The following CSMD1 variants were observed in gnomAD, a reference collection of about 807,000 sequenced individuals.
CSMD1 encodes the protein CUB and Sushi multiple domains 1.
Under a neutral mutation model 417.5 loss-of-function variants are expected in CSMD1, and 213 were observed. The observed-to-expected ratio is 0.51, with a 90% confidence interval of 0.46 to 0.57. The LOEUF (loss-of-function observed/expected upper bound fraction) is 0.57. Ranked by LOEUF, CSMD1 falls within the 20% of genes least tolerant of loss-of-function variation. CSMD1 has a pLI of 0.00. For missense variants in CSMD1, 6,923 were observed against 4,529.7 expected (o/e 1.53, Z -15.17); for synonymous variants, 2,862 against 1,736.8 (o/e 1.65, Z -16.11).
chr8:3,956,521 A>C (rs1471512239), intron 5 of CSMD1, among the ~76,000 whole-genome samples: 1 of 152,208 alleles, frequency 6.6e-6, no homozygotes, highest in Non-Finnish European at 1.5e-5. Context: ...GACAGGTGGA[A>C]ACTCAGTAAA....
At chr8:4,141,324 G>T (rs148474688) in intron 3 of CSMD1, among the ~76,000 whole-genome samples, 3 of 151,204 alleles carry the variant, frequency 2.0e-5, no homozygotes, top group African/African-American at 7.4e-5. Context: ...AAGGGGAAAT[G>T]AAGCTACTAC....
intron 25 of CSMD1, among the ~76,000 whole-genome samples, chr8:3,288,221 A>G (rs1803297309): frequency 6.8e-6 from 1 of 146,830 alleles, no homozygotes; most frequent in South Asian, 2.1e-4. Context: ...TTTATTGAGG[A>G]TTTTTGCATC....
chr8:4,977,360 C>T (rs1810620593), intron 1 of CSMD1, among the ~76,000 whole-genome samples: 1 of 152,112 alleles, frequency 6.6e-6, no homozygotes, highest in South Asian at 2.1e-4. Flanking sequence ...TACCCCAGGC[C>T]CACTGAGCAG....
At chr8:3,267,601 C>T (rs548708184) in intron 26 of CSMD1, among the ~76,000 whole-genome samples, 3 of 152,292 alleles carry the variant, frequency 2.0e-5, no homozygotes, top group East Asian at 3.9e-4. Context: ...TTGAGGATGG[C>T]ATCGCTGCTG....
chr8:3,060,846 A>G (rs149858747), intron 49 of CSMD1, among the ~76,000 whole-genome samples: 1,753 of 152,268 alleles, frequency 0.012, 37 homozygotes, highest in African/African-American at 0.04. Flanking sequence ...GAGCAGAGTC[A>G]TGCCATTTTG....
intron 5 of CSMD1, among the ~76,000 whole-genome samples, chr8:3,905,750 T>G (rs1808064959): frequency 6.6e-6 from 1 of 152,222 alleles, no homozygotes; most frequent in Non-Finnish European, 1.5e-5. Context: ...GTCTTAAAAT[T>G]GGATGCTCAT....
At chr8:4,698,757 T>TA (rs11304604) in intron 1 of CSMD1, among the ~76,000 whole-genome samples, 181 of 149,246 alleles carry the variant, frequency 1.2e-3, no homozygotes, top group Non-Finnish European at 2.2e-3. Flanking sequence ...CTCTGCCCCT[T>TA]AAAAAAAAAA....
intron 5 of CSMD1, among the ~76,000 whole-genome samples, chr8:3,888,895 C>T (rs11778438): frequency 9.5e-4 from 145 of 152,104 alleles, no homozygotes; most frequent in Middle Eastern, 3.4e-3. Flanking sequence ...TGATGATTTT[C>T]GTCATATAAT....
chr8:3,635,546 C>T (rs1192168232), intron 7 of CSMD1, among the ~76,000 whole-genome samples: 24 of 147,998 alleles, frequency 1.6e-4, no homozygotes, highest in East Asian at 2.1e-4. Flanking sequence ...TGCAGTGGCG[C>T]GATCTCAGCT....
In CSMD1 at chr8:4,487,571, G is replaced by A. The variant is rs568030370; in HGVS notation, c.303-67506C>T. ...TTCTTAATCCAGTCTATCATTGTTG[G>A]ACATTTGGGTTGGTTCCAAGTCTTT... is the stretch of plus-strand genomic sequence containing the variant. On this transcript the variant is annotated intron_variant, in intron 2 of 69. Coordinates refer to ENST00000635120, the MANE Select transcript of CSMD1 (RefSeq NM_033225.6). Among the ~76,000 whole-genome samples the A allele has an allele frequency of 2.0e-4, 31 of 152,268 alleles. No homozygotes were observed. In the East Asian group the frequency reaches 3.7e-3, roughly 18 times the overall value.
At chr8:3,646,329 T>A (rs1436384109) in intron 7 of CSMD1, among the ~76,000 whole-genome samples, 2 of 152,200 alleles carry the variant, frequency 1.3e-5, no homozygotes, top group Admixed American at 6.5e-5. Flanking sequence ...ATAGAAGATA[T>A]TAAAACATTG....
chr8:4,799,086 C>G (rs925186145), intron 1 of CSMD1, among the ~76,000 whole-genome samples: 1 of 152,106 alleles, frequency 6.6e-6, no homozygotes, highest in African/African-American at 2.4e-5. Context: ...GCCGACCCTG[C>G]GCATCTTTCC....
chr8:4,316,940 C>A (rs774102723), intron 3 of CSMD1, among the ~76,000 whole-genome samples: 6 of 152,068 alleles, frequency 3.9e-5, no homozygotes, highest in African/African-American at 1.4e-4. Context: ...TGAAAATATG[C>A]CACATGTCAG....
intron 2 of CSMD1, among the ~76,000 whole-genome samples, chr8:4,430,439 A>G (rs1391864833): frequency 6.6e-6 from 1 of 150,924 alleles, no homozygotes; most frequent in Non-Finnish European, 1.5e-5. Context: ...CGGGACCCTG[A>G]GAGGAATTTC....
At chr8:3,295,098 C>G (rs1038131798) in intron 25 of CSMD1, among the ~76,000 whole-genome samples, 4 of 150,676 alleles carry the variant, frequency 2.7e-5, no homozygotes, top group African/African-American at 9.7e-5. Context: ...GTGCTTGTAT[C>G]ACTTTCAATT....
chr8:4,566,024 CT>C (rs1798589956), intron 2 of CSMD1, among the ~76,000 whole-genome samples: 2 of 151,748 alleles, frequency 1.3e-5, no homozygotes, highest in African/African-American at 4.8e-5. Flanking sequence ...TTACATATAA[CT>C]TTAGCGAAAC....
rs543584917 is a variant in CSMD1, at chr8:4,271,618, T to C, written c.415+148335A>G. 2.6e-5 allele frequency among the ~76,000 whole-genome samples: 4 copies of C among 152,050 alleles called. No homozygotes were observed. In the South Asian group the frequency reaches 8.3e-4, roughly 32 times the overall value. ...CTCAGGTGCCTGAGAATTAGCTCTTTTGCAGCAGCTTTAAAGAAAGGAAAA... is the reference window on the plus strand; with the variant it reads ...CTCAGGTGCCTGAGAATTAGCTCTTCTGCAGCAGCTTTAAAGAAAGGAAAA... On this transcript the variant is annotated intron_variant, in intron 3 of 69. Transcript: ENST00000635120.
intron 1 of CSMD1, among the ~76,000 whole-genome samples, chr8:4,921,088 GAA>G (rs1806466198): frequency 6.7e-6 from 1 of 148,318 alleles, no homozygotes; most frequent in Admixed American, 6.8e-5. Context: ...AAGAAAGAAA[GAA>G]AAAGAAAAAA....
chr8:3,727,828 T>C (rs771922372), intron 6 of CSMD1, among the ~76,000 whole-genome samples: 1 of 152,194 alleles, frequency 6.6e-6, no homozygotes, highest in Non-Finnish European at 1.5e-5. Context: ...GGGTGAGCTT[T>C]AGGGCAGTGC....
Sources: allele counts gnomAD v4.1 joint callset (sites outside exome capture counted in the v4.1 genomes callset), GRCh38; gene constraint gnomAD v4.1.1; transcripts MANE v1.5; gene names NCBI Gene and HGNC (gene_info 2026-07-23, HGNC 2026-07-21).